GID4: variants seen among roughly 807,000 people sequenced by gnomAD.
GID4 encodes the protein GID complex subunit 4 homolog.
A neutral mutation model predicts 32.4 loss-of-function variants in GID4; 7 were observed. That is an observed-to-expected ratio of 0.22 (90% CI 0.12 to 0.41). The LOEUF (loss-of-function observed/expected upper bound fraction) is 0.41. Among genes scored for constraint, GID4 ranks in the 10% least tolerant of loss-of-function variants. GID4 has a pLI of 1.00. For synonymous variants in GID4, 166 were observed against 170.0 expected (o/e 0.98, Z 0.18); for missense variants, 309 against 400.0 (o/e 0.77, Z 1.94).
In GID4 at chr17:18,039,851, C is replaced by T. The variant is rs1422849560; in HGVS notation, c.387C>T (p.Arg129=). The T allele has an allele frequency of 6.5e-7, 1 of 1,548,274 alleles. No individual in the cohort carries two copies. The highest frequency in any genetic ancestry group is 2.6e-5 in the East Asian group (1 of 38,434). The change falls in exon 1 of 6, where the codon CGC becomes CGT. Residue 129 remains arginine, a synonymous_variant. Coordinates refer to ENST00000268719, the MANE Select transcript of GID4 (RefSeq NM_024052.5). The surrounding 1 kb of genome is among the most constrained non-coding windows in gnomAD (Gnocchi z 5.3). ...TSLLYSGSKF[R]GHQKSKGNSY... Reference sequence around the variant, plus strand: ...TGCTCTACAGCGGCTCCAAGTTCCGCGGCCACCAGAAGAGCAAGGGGAACT... The same window carrying T: ...TGCTCTACAGCGGCTCCAAGTTCCGTGGCCACCAGAAGAGCAAGGGGAACT...
At chr17:18,052,516 C>T (rs1440613495) in intron 2 of GID4, among the ~76,000 whole-genome samples, 1 of 152,118 alleles carries the variant, frequency 6.6e-6, no homozygotes, top group Non-Finnish European at 1.5e-5. Flanking sequence ...CTTCTGCAGT[C>T]CTTGATGTTA....
At chr17:18,047,394 A>C (rs960861033) in intron 2 of GID4, among the ~76,000 whole-genome samples, 2 of 152,260 alleles carry the variant, frequency 1.3e-5, no homozygotes, top group African/African-American at 4.8e-5. Flanking sequence ...GTTAACGCTG[A>C]CTCCAAAACC....
Position 18,048,070 on chromosome 17 carries a change from T to G in GID4, c.498+2864T>G, listed in dbSNP as rs1017235747. Among the ~76,000 whole-genome samples the G allele has an allele frequency of 3.3e-5, 5 of 150,896 alleles. No individual in the cohort carries two copies. In the South Asian group the frequency reaches 8.4e-4, roughly 25 times the overall value. On this transcript the variant is annotated intron_variant, in intron 2 of 5. Coordinates refer to ENST00000268719, the MANE Select transcript of GID4 (RefSeq NM_024052.5). ...TGCCCGCCACCACACCCGGCTAATT[T>G]TTTTGTATTTTTAGTAGAGATGGGG...
Position 18,068,250 on chromosome 17 carries a change from A to T in GID4, c.*3007A>T, listed in dbSNP as rs912125729. Reference sequence around the variant, plus strand: ...TTGATTTTGAATCTTAAATGTTTTTAAAAATTAGACTTGAATGGGCACAAA... The same window carrying T: ...TTGATTTTGAATCTTAAATGTTTTTTAAAATTAGACTTGAATGGGCACAAA... On this transcript the variant is annotated 3_prime_UTR_variant, in exon 6 of 6. Coordinates refer to ENST00000268719, the MANE Select transcript of GID4 (RefSeq NM_024052.5). 5.2e-5 allele frequency: 8 copies of T among 152,658 alleles called. No homozygotes were observed. Among genetic ancestry groups the T allele is most frequent in the Admixed American group, 1.3e-4 (2 of 15,278 alleles). The allele number at this position is 152,658 out of a possible 1,614,324, so 9.5% of individuals were successfully genotyped here.
intron 3 of GID4, among the ~76,000 whole-genome samples, chr17:18,056,000 G>A (rs1056547222): frequency 6.6e-5 from 10 of 151,946 alleles, no homozygotes; most frequent in East Asian, 1.9e-4. Context: ...GATTACAGAC[G>A]TGCACCACCG....
chr17:18,054,627 T>A (rs2044946935), intron 3 of GID4, among the ~76,000 whole-genome samples: 2 of 152,072 alleles, frequency 1.3e-5, no homozygotes, highest in Non-Finnish European at 2.9e-5. Flanking sequence ...GGGGCTGGCA[T>A]GAGATGGAGA....
At chr17:18,062,255 A>G (rs894050296) in intron 5 of GID4, 3 of 311,784 alleles carry the variant, frequency 9.6e-6, no homozygotes, top group Non-Finnish European at 1.2e-5. Context: ...GTTTATCTCA[A>G]TCTTGCTGGT....
intron 2 of GID4, among the ~76,000 whole-genome samples, 160 bp from the exon 3 acceptor site, chr17:18,053,967 G>A (rs866739185): frequency 6.6e-6 from 1 of 152,160 alleles, no homozygotes; most frequent in Non-Finnish European, 1.5e-5. Context: ...CATTGCCACA[G>A]CCTGTTGGCA....
chr17:18,053,636 T>A (rs1219700651), intron 2 of GID4, among the ~76,000 whole-genome samples: 1 of 151,892 alleles, frequency 6.6e-6, no homozygotes, highest in Non-Finnish European at 1.5e-5. Context: ...AAAAAAGTAT[T>A]CTACCCCAGA....
At chr17:18,052,080 C>CAA (rs11287932) in intron 2 of GID4, among the ~76,000 whole-genome samples, 2 of 128,122 alleles carry the variant, frequency 1.6e-5, no homozygotes. Flanking sequence ...TCCCTCCCCC[C>CAA]AAAAAAAAAA....
At chr17:18,058,313 CT>C (rs1190552505) in intron 3 of GID4, among the ~76,000 whole-genome samples, 36 of 152,200 alleles carry the variant, frequency 2.4e-4, no homozygotes, top group African/African-American at 8.7e-4. Flanking sequence ...ACTTAAGCAT[CT>C]GCAGATTTTG....
intron 3 of GID4, chr17:18,056,764 G>C (rs769591913): frequency 1.3e-6 from 2 of 1,550,626 alleles, no homozygotes; most frequent in South Asian, 2.4e-5. Flanking sequence ...TTTTGGGTGA[G>C]AGAGGAACTA....
In GID4 at chr17:18,067,089, G is replaced by T. The variant is rs1418432870; in HGVS notation, c.*1846G>T. ...CCCAGCTGCTGTCATGTGAGGAGATGCTCACTGTGGTCTTGTTGAGCTGAT... is the reference window on the plus strand; with the variant it reads ...CCCAGCTGCTGTCATGTGAGGAGATTCTCACTGTGGTCTTGTTGAGCTGAT... On this transcript the variant is annotated 3_prime_UTR_variant, in exon 6 of 6. Coordinates refer to ENST00000268719, the MANE Select transcript of GID4 (RefSeq NM_024052.5). The T allele has an allele frequency of 6.6e-6, 1 of 152,310 alleles. No individual in the cohort carries two copies. Among genetic ancestry groups the T allele is most frequent in the African/African-American group, 2.4e-5 (1 of 41,456 alleles). 9.4% of individuals were successfully genotyped at this position (152,310 alleles called of 1,614,324 possible).
rs193196558 is a variant in GID4 at position 18,064,038 on chromosome 17, C to T, written c.840-1142C>T. Among the ~76,000 whole-genome samples, 18 of 152,310 alleles carry T rather than the reference C, an allele frequency of 1.2e-4. No individual in the cohort carries two copies. The East Asian group carries it at 2.7e-3, about 23-fold the overall frequency. ...GATTATAGGTGTGAGCCACCGTGCC[C>T]GGCCGGTATATACCACATTTTATTT... On this transcript the variant is annotated intron_variant, in intron 5 of 5. Transcript: ENST00000268719.
At chr17:18,043,145 T>C (rs1237816851) in intron 1 of GID4, among the ~76,000 whole-genome samples, 1 of 152,198 alleles carries the variant, frequency 6.6e-6, no homozygotes, top group African/African-American at 2.4e-5. Flanking sequence ...GACACCTTCT[T>C]GCTAAACACG....
chr17:18,047,783 T>C, intron 2 of GID4, among the ~76,000 whole-genome samples: 1 of 152,260 alleles, frequency 6.6e-6, no homozygotes, highest in Non-Finnish European at 1.5e-5. Context: ...AAGAATTCTT[T>C]TTAAATAATG....
chr17:18,055,941 G>A (rs1457270228), intron 3 of GID4, among the ~76,000 whole-genome samples: 2 of 152,098 alleles, frequency 1.3e-5, no homozygotes, highest in Non-Finnish European at 2.9e-5. Flanking sequence ...TGCAACCTCC[G>A]CCTCCCAGAT....
chr17:18,045,891 CAAAAAAAAAAAAAA>C (rs549347770), intron 2 of GID4, among the ~76,000 whole-genome samples: 1 of 80,704 alleles, frequency 1.2e-5, no homozygotes, highest in East Asian at 3.5e-4. Flanking sequence ...GACCCTGTCT[CAAAAAAAAAAAAAA>C]AGAAAGAAAA....
chr17:18,044,774 A>G (rs2044836483), intron 1 of GID4, among the ~76,000 whole-genome samples: 2 of 152,216 alleles, frequency 1.3e-5, no homozygotes, highest in Admixed American at 6.5e-5. Flanking sequence ...GAGGTTAGGG[A>G]TGACACCACG....
Sources: gnomAD v4.1 joint callset for allele counts (sites outside exome capture counted in the v4.1 genomes callset) on GRCh38, gnomAD v4.1.1 for gene constraint, Gnocchi (gnomAD v3.1) non-coding constraint, MANE v1.5 for transcripts, NCBI Gene and HGNC (gene_info 2026-07-23, HGNC 2026-07-21) for gene names.